MICAL2: variants seen among roughly 807,000 people sequenced by gnomAD.
MICAL2 encodes the protein microtubule associated monooxygenase, calponin and LIM domain containing 2.
Under a neutral mutation model 127.3 loss-of-function variants are expected in MICAL2, and 77 were observed. The ratio of observed to expected loss-of-function variants is 0.60; its 90% CI spans 0.50 to 0.73. The LOEUF is 0.73. Among genes scored for constraint, MICAL2 ranks in the 30% least tolerant of loss-of-function variants. The probability of loss-of-function intolerance (pLI) is 0.00; values close to 1 mark genes in which losing one functional copy is unlikely to be tolerated. For missense variants in MICAL2, 1,351 were observed against 1,434.4 expected (o/e 0.94, Z 0.94); for synonymous variants, 570 against 551.1 (o/e 1.03, Z -0.48).
At chr11:12,311,465 G>T (rs1423028448) in intron 29 of MICAL2, among the ~76,000 whole-genome samples, 8 of 152,030 alleles carry the variant, frequency 5.3e-5, no homozygotes, top group Admixed American at 3.9e-4. Flanking sequence ...AGGCTGGAGT[G>T]CAGTGGCACG....
At chr11:12,292,549 A>G (rs1194019118), downstream of MICAL2, among the ~76,000 whole-genome samples, 2 of 151,918 alleles carry the variant, frequency 1.3e-5, no homozygotes, top group Non-Finnish European at 2.9e-5. Flanking sequence ...CAGGGTTTAG[A>G]CTCCATGCCA....
chr11:12,242,019 G>A (rs1274718048), intron 18 of MICAL2, among the ~76,000 whole-genome samples, 195 bp from the exon 19 acceptor site: 2 of 152,128 alleles, frequency 1.3e-5, no homozygotes, highest in East Asian at 1.9e-4. Context: ...GCCCCAGACT[G>A]TGTATTGTGA....
chr11:12,287,847 C>T (rs1434285206), downstream of MICAL2, among the ~76,000 whole-genome samples: 1 of 152,142 alleles, frequency 6.6e-6, no homozygotes, highest in Admixed American at 6.5e-5. Context: ...AGGCCCTGAG[C>T]GAGGGGCAGA....
At chr11:12,116,026 G>T (rs1388558562) in intron 1 of MICAL2, among the ~76,000 whole-genome samples, 1 of 149,028 alleles carries the variant, frequency 6.7e-6, no homozygotes, top group African/African-American at 2.5e-5. Context: ...TTTCACCCAG[G>T]CTGGAGTGCA....
At chr11:12,296,827 T>C (rs1863991825), downstream of MICAL2, among the ~76,000 whole-genome samples, 1 of 152,076 alleles carries the variant, frequency 6.6e-6, no homozygotes, top group Non-Finnish European at 1.5e-5. Flanking sequence ...TGCACTTTTT[T>C]TGAACTTTTC....
chr11:12,198,899 G>A (rs576373320), intron 3 of MICAL2, among the ~76,000 whole-genome samples: 38 of 152,314 alleles, frequency 2.5e-4, no homozygotes, highest in Non-Finnish European at 2.9e-4. Context: ...TGGCTTGCTC[G>A]TTCCTTGCAG....
intron 16 of MICAL2, among the ~76,000 whole-genome samples, chr11:12,238,870 AT>A (rs113487261): frequency 3.3e-5 from 5 of 152,088 alleles, no homozygotes; most frequent in African/African-American, 1.2e-4. Context: ...CTAAATTAAA[AT>A]TTTTCTTTAA....
At chr11:12,354,472 CAAAA>C (rs11296730) in intron 33 of MICAL2, among the ~76,000 whole-genome samples, 1 of 133,804 alleles carries the variant, frequency 7.5e-6, no homozygotes, top group Non-Finnish European at 1.6e-5. Context: ...ACTCTGTCTC[CAAAA>C]AAAAAAAAAA....
intron 1 of MICAL2, among the ~76,000 whole-genome samples, chr11:12,278,280 A>C (rs1230849470): frequency 6.6e-6 from 1 of 152,242 alleles, no homozygotes; most frequent in Non-Finnish European, 1.5e-5. Flanking sequence ...AAACACACAC[A>C]CACATTGAAT....
At chr11:12,185,189 A>G (rs542560214) in intron 3 of MICAL2, among the ~76,000 whole-genome samples, 1 of 5,634 alleles carries the variant, frequency 1.8e-4, no homozygotes, top group African/African-American at 7.3e-4. Flanking sequence ...GGATGGATGG[A>G]TGGGTGGGGG....
At chr11:12,321,965 C>CAT (rs1565304806) in intron 30 of MICAL2, among the ~76,000 whole-genome samples, 9 of 151,332 alleles carry the variant, frequency 5.9e-5, no homozygotes, top group Non-Finnish European at 1.0e-4. Context: ...CAAGGAAAGG[C>CAT]AGTATAGACC....
At chr11:12,337,090 G>T (rs1176744116) in intron 32 of MICAL2, among the ~76,000 whole-genome samples, 1 of 151,960 alleles carries the variant, frequency 6.6e-6, no homozygotes, top group Non-Finnish European at 1.5e-5. Context: ...TCCTGGACTT[G>T]TTTTGGTTGG....
At chr11:12,316,409 G>GT (rs544806787) in intron 29 of MICAL2, among the ~76,000 whole-genome samples, 7,296 of 141,926 alleles carry the variant, frequency 0.051, 207 homozygotes, top group Non-Finnish European at 0.066. Flanking sequence ...TTCCTAGGTG[G>GT]TTTTTTTTTT....
At chr11:12,202,806 T>C (rs1854188914) in intron 3 of MICAL2, among the ~76,000 whole-genome samples, 1 of 152,204 alleles carries the variant, frequency 6.6e-6, no homozygotes, top group Admixed American at 6.5e-5. Flanking sequence ...TATGACACAA[T>C]TCACATTTAC....
At chr11:12,134,297 A>G (rs575599096) in intron 1 of MICAL2, among the ~76,000 whole-genome samples, 52 of 152,244 alleles carry the variant, frequency 3.4e-4, no homozygotes, top group Middle Eastern at 3.4e-3. Flanking sequence ...TTAAATAGCT[A>G]TCTGGATTTT....
At chr11:12,355,068 A>G (rs1939110357) in intron 34 of MICAL2, among the ~76,000 whole-genome samples, 2 of 152,168 alleles carry the variant, frequency 1.3e-5, no homozygotes, top group African/African-American at 2.4e-5. Flanking sequence ...CCCCCATCCC[A>G]AGTGGCAGTA....
At chr11:12,111,349 C>T (rs1849592153) in intron 1 of MICAL2, among the ~76,000 whole-genome samples, 2 of 152,220 alleles carry the variant, frequency 1.3e-5, no homozygotes, top group Admixed American at 1.3e-4. Flanking sequence ...AGCCCGCTCT[C>T]GCTCCAGGCC....
chr11:12,128,562 G>C (rs1851137159), intron 1 of MICAL2, among the ~76,000 whole-genome samples: 1 of 152,232 alleles, frequency 6.6e-6, no homozygotes, highest in African/African-American at 2.4e-5. Flanking sequence ...AAGAGGTGCA[G>C]GGAGAGCAGA....
downstream of MICAL2, among the ~76,000 whole-genome samples, chr11:12,361,765 A>G (rs543827318): frequency 3.3e-5 from 5 of 152,348 alleles, no homozygotes; most frequent in Admixed American, 2.0e-4. Flanking sequence ...CTTCCCAGGA[A>G]GCAGATTTAC....
Sources: allele counts gnomAD v4.1 joint callset (sites outside exome capture counted in the v4.1 genomes callset), GRCh38; gene constraint gnomAD v4.1.1; transcripts MANE v1.5; gene names NCBI Gene and HGNC (gene_info 2026-07-23, HGNC 2026-07-21).